PDE8B: variants seen among roughly 807,000 people sequenced by gnomAD.
PDE8B encodes the protein phosphodiesterase 8B, also known as high affinity cAMP-specific and IBMX-insensitive 3',5'-cyclic phosphodiesterase 8B.
PDE8B carries 26 observed loss-of-function variants against 101.3 expected under a neutral mutation model. The ratio of observed to expected loss-of-function variants is 0.26; its 90% CI spans 0.19 to 0.36. The LOEUF is 0.36. Among genes scored for constraint, PDE8B ranks in the 10% least tolerant of loss-of-function variants. The pLI is 1.00. For synonymous variants in PDE8B, 424 were observed against 429.3 expected (o/e 0.99, Z 0.15); for missense variants, 810 against 1,163.1 (o/e 0.70, Z 4.42).
intron 11 of PDE8B, 148 bp from the exon 12 acceptor site, chr5:77,404,572 A>C (rs1199330105): frequency 1.6e-6 from 1 of 620,308 alleles, no homozygotes; most frequent in Admixed American, 2.8e-5. Context: ...ATTTGAAAAG[A>C]AAGTGGTTGA....
chr5:77,391,028 C>A (rs1022041341), intron 10 of PDE8B, among the ~76,000 whole-genome samples: 16 of 152,248 alleles, frequency 1.1e-4, no homozygotes, highest in African/African-American at 3.6e-4. Context: ...CAAAGTTCAT[C>A]CCCTTGGCTG....
the PDE8B span, among the ~76,000 whole-genome samples, chr5:77,156,299 G>A: frequency 1.3e-5 from 2 of 152,170 alleles, no homozygotes; most frequent in Admixed American, 6.5e-5. Flanking sequence ...GTGATTTGTT[G>A]TTGGGAGAAT....
At chr5:77,162,188 A>C in the PDE8B span, among the ~76,000 whole-genome samples, 1 of 152,062 alleles carries the variant, frequency 6.6e-6, no homozygotes, top group African/African-American at 2.4e-5. Context: ...ATCTTTAAAA[A>C]TCTAAACTAC....
In PDE8B at chr5:77,290,743, T is replaced by G; in HGVS notation, c.340-21251T>G. ...ATTGAGCAGTGGAATCCTGTAGGCC[T>G]GGTTGGAATCATCACGGCATTCAAT... is the stretch of plus-strand genomic sequence containing the variant. On this transcript the variant is annotated intron_variant, in intron 1 of 21. Coordinates refer to ENST00000264917, the MANE Select transcript of PDE8B (RefSeq NM_003719.5). The G allele has an allele frequency of 4.7e-6, 7 of 1,492,588 alleles. No homozygotes were observed. In the South Asian group the frequency reaches 6.8e-5, roughly 14 times the overall value. The allele number at this position is 1,492,588 out of a possible 1,614,324, so 92.5% of individuals were successfully genotyped here.
chr5:77,335,532 G>GGGGTGTGT (rs1355843483), intron 5 of PDE8B, among the ~76,000 whole-genome samples: 7 of 145,572 alleles, frequency 4.8e-5, no homozygotes, highest in Non-Finnish European at 9.0e-5. Flanking sequence ...GTATATGTGG[G>GGGGTGTGT]GTGTGTGTGT....
At chr5:77,268,620 T>C (rs976613693) in intron 1 of PDE8B, among the ~76,000 whole-genome samples, 1 of 151,972 alleles carries the variant, frequency 6.6e-6, no homozygotes, top group Non-Finnish European at 1.5e-5. Flanking sequence ...ATGTTTGTCT[T>C]TCAGTGCTTG....
intron 1 of PDE8B, among the ~76,000 whole-genome samples, chr5:77,244,396 G>A (rs927706014): frequency 2.0e-5 from 3 of 152,122 alleles, no homozygotes; most frequent in African/African-American, 7.2e-5. Context: ...CACGTATAGA[G>A]ATGGGACCAG....
At position 77,211,123 on chromosome 5, in the gene PDE8B, C is replaced by G. The variant is rs1035682633; in HGVS notation, c.198C>G (p.Arg66=). Residue 66 remains arginine (R), a synonymous_variant, in exon 1 of 22, where the codon CGC becomes CGG. Coordinates refer to ENST00000264917, the MANE Select transcript of PDE8B (RefSeq NM_003719.5). This position sits in a 1 kb window ranked among gnomAD's most constrained non-coding sequence, Gnocchi z 4.1. ...SRASGPPSVA[R]VRRARTELGS... is the part of the protein sequence containing the mutation. Reference sequence around the variant, plus strand: ...CGTCGGGACCCCCCAGCGTAGCCCGCGTCCGCAGGGCCCGCACCGAGCTGG... The same window carrying G: ...CGTCGGGACCCCCCAGCGTAGCCCGGGTCCGCAGGGCCCGCACCGAGCTGG... 2.7e-6 allele frequency: 4 copies of G among 1,504,792 alleles called. No individual in the cohort carries two copies. Among genetic ancestry groups the G allele is most frequent in the African/African-American group, 1.4e-5 (1 of 69,068 alleles). 93.2% of individuals were successfully genotyped at this position (1,504,792 alleles called of 1,614,324 possible).
intron 5 of PDE8B, among the ~76,000 whole-genome samples, chr5:77,333,925 T>C (rs1490540925): frequency 6.6e-6 from 1 of 152,220 alleles, no homozygotes; most frequent in Admixed American, 6.5e-5. Context: ...CCACCTGGTG[T>C]TCTTCAGTGC....
intron 1 of PDE8B, among the ~76,000 whole-genome samples, chr5:77,285,452 G>A (rs1023734483): frequency 5.9e-5 from 9 of 151,944 alleles, no homozygotes; most frequent in African/African-American, 9.7e-5. Flanking sequence ...TTCTGTTTCC[G>A]TAGTTTCTCA....
chr5:77,350,969 A>T, intron 8 of PDE8B, 96 bp from the exon 9 acceptor site: 1 of 848,718 alleles, frequency 1.2e-6, no homozygotes, highest in East Asian at 2.4e-5. Flanking sequence ...TAACGAGAGC[A>T]TGTGGGAATG....
At chr5:77,291,423 G>A in intron 1 of PDE8B, 1 of 1,611,616 alleles carries the variant, frequency 6.2e-7, no homozygotes, top group Non-Finnish European at 8.5e-7. Flanking sequence ...ACCGACAATT[G>A]TGACAGGTCT....
intron 10 of PDE8B, among the ~76,000 whole-genome samples, chr5:77,378,861 A>G (rs1236694049): frequency 1.3e-5 from 2 of 152,262 alleles, no homozygotes; most frequent in Non-Finnish European, 2.9e-5. Context: ...TGATTCATGC[A>G]TAAGTTTGAA....
chr5:77,155,093 C>T, the PDE8B span, among the ~76,000 whole-genome samples: 1 of 152,120 alleles, frequency 6.6e-6, no homozygotes, highest in African/African-American at 2.4e-5. Context: ...GCCAGATGGG[C>T]CTGTTTTCAA....
chr5:77,260,582 ATTTTTTTTT>A (rs34008487), intron 1 of PDE8B, among the ~76,000 whole-genome samples: 1,490 of 114,940 alleles, frequency 0.013, 26 homozygotes, highest in African/African-American at 0.048. Context: ...ACTGTGGCTC[ATTTTTTTTT>A]TTTTTTTTTT....
intron 1 of PDE8B, among the ~76,000 whole-genome samples, chr5:77,265,372 G>C (rs1381986931): frequency 6.6e-6 from 1 of 152,136 alleles, no homozygotes; most frequent in African/African-American, 2.4e-5. Context: ...CTTATTTGCT[G>C]TCAGAAAGCT....
chr5:77,199,475 G>A, the PDE8B span, among the ~76,000 whole-genome samples: 1 of 152,122 alleles, frequency 6.6e-6, no homozygotes, highest in Non-Finnish European at 1.5e-5. Context: ...AAGAGTTGAG[G>A]TTTATTTCTT....
intron 2 of PDE8B, among the ~76,000 whole-genome samples, chr5:77,318,326 A>T (rs1391343653): frequency 6.6e-6 from 1 of 152,184 alleles, no homozygotes; most frequent in African/African-American, 2.4e-5. Context: ...TCGTCCAGCC[A>T]GTTTCAAAGA....
the PDE8B span, among the ~76,000 whole-genome samples, chr5:77,136,550 G>A: frequency 6.6e-6 from 1 of 152,174 alleles, no homozygotes; most frequent in African/African-American, 2.4e-5. Flanking sequence ...GAGTCTGGGG[G>A]TGACCTCTCC....
Sources: allele counts gnomAD v4.1 joint callset (sites outside exome capture counted in the v4.1 genomes callset), GRCh38; gene constraint gnomAD v4.1.1; non-coding constraint Gnocchi (gnomAD v3.1); transcripts MANE v1.5; gene names NCBI Gene and HGNC (gene_info 2026-07-23, HGNC 2026-07-21).